Variants in TNKS observed in about 807,000 individuals in gnomAD.
TNKS encodes tankyrase.
In TNKS, 72 loss-of-function variants were observed where a neutral mutation model predicts 135.8. That is an observed-to-expected ratio of 0.53 (90% CI 0.44 to 0.64). TNKS has a LOEUF of 0.64. Ranked by LOEUF, TNKS falls within the 30% of genes least tolerant of loss-of-function variation. The pLI is 0.00. For missense variants in TNKS, 1,769 were observed against 1,674.0 expected (o/e 1.06, Z -0.99); for synonymous variants, 849 against 649.3 (o/e 1.31, Z -4.68).
At chr8:9,602,572 C>G (rs1196200245) in intron 2 of TNKS, among the ~76,000 whole-genome samples, 1 of 152,194 alleles carries the variant, frequency 6.6e-6, no homozygotes, top group Non-Finnish European at 1.5e-5. Flanking sequence ...AGCGGAGTCT[C>G]CAGAGCACCT....
At chr8:9,630,664 T>A (rs745794559) in intron 3 of TNKS, among the ~76,000 whole-genome samples, 11 of 152,222 alleles carry the variant, frequency 7.2e-5, no homozygotes, top group Admixed American at 6.5e-5. Context: ...GTCTGGCCCA[T>A]ACTAGTACTC....
rs186110534 is a variant in TNKS at position 9,567,604 on chromosome 8, A to G, written c.673+10992A>G. ...CTAATTTTTTTTGTATTTTTAGTAG[A>G]GACGGGGTTTCACCGTGTTAGCGAG... On this transcript the variant is annotated intron_variant, in intron 1 of 26. Coordinates refer to ENST00000310430, the MANE Select transcript of TNKS (RefSeq NM_003747.3). 7.9e-5 allele frequency among the ~76,000 whole-genome samples: 12 copies of G among 152,244 alleles called. No individual in the cohort carries two copies. In the East Asian group the frequency reaches 2.3e-3, roughly 29 times the overall value.
At chr8:9,701,650 A>G (rs993473752) in intron 5 of TNKS, among the ~76,000 whole-genome samples, 8 of 152,240 alleles carry the variant, frequency 5.3e-5, no homozygotes, top group African/African-American at 1.7e-4. Flanking sequence ...AGCATCAGGC[A>G]GTACATGGTA....
At chr8:9,653,035 T>C (rs1195724474) in intron 3 of TNKS, among the ~76,000 whole-genome samples, 1 of 152,164 alleles carries the variant, frequency 6.6e-6, no homozygotes, top group African/African-American at 2.4e-5. Context: ...AAGACGTTGC[T>C]AGAGGGTTTC....
chr8:9,631,776 T>C (rs78047673), intron 3 of TNKS, among the ~76,000 whole-genome samples: 2 of 151,878 alleles, frequency 1.3e-5, no homozygotes, highest in Non-Finnish European at 2.9e-5. Context: ...TTTTTTTTTT[T>C]CAAGAAAAAG....
Position 9,776,750 on chromosome 8 carries a change from G to C in TNKS, c.*14G>C, listed in dbSNP as rs762796125. On this transcript the variant is annotated 3_prime_UTR_variant, in exon 27 of 27. Coordinates refer to ENST00000310430, the MANE Select transcript of TNKS (RefSeq NM_003747.3). Reference sequence around the variant, plus strand: ...CAGAAGACCTAGTGAATGCCTGCTGGTGAAGGCCAGATCAGATTTCAACCT... The same window carrying C: ...CAGAAGACCTAGTGAATGCCTGCTGCTGAAGGCCAGATCAGATTTCAACCT... 3 of 1,611,756 alleles carry C rather than the reference G, an allele frequency of 1.9e-6. No individual in the cohort carries two copies. Among genetic ancestry groups the C allele is most frequent in the African/African-American group, 1.3e-5 (1 of 74,888 alleles).
At chr8:9,736,477 A>G (rs1342946568) in intron 17 of TNKS, among the ~76,000 whole-genome samples, 1 of 151,904 alleles carries the variant, frequency 6.6e-6, no homozygotes, top group Non-Finnish European at 1.5e-5. Context: ...GTCCTTGCCC[A>G]CGCCTATGTC....
intron 18 of TNKS, among the ~76,000 whole-genome samples, chr8:9,750,282 G>T (rs1192105647): frequency 6.6e-6 from 1 of 152,202 alleles, no homozygotes; most frequent in Non-Finnish European, 1.5e-5. Flanking sequence ...AACTTTTGCT[G>T]ATGGAGAGGC....
chr8:9,556,985 G>A (rs995656379), intron 1 of TNKS: 1 of 409,940 alleles, frequency 2.4e-6, no homozygotes. Context: ...TTTTACAAGG[G>A]TATGTCCTTT....
chr8:9,569,435 G>A (rs1797677511), intron 1 of TNKS, among the ~76,000 whole-genome samples: 1 of 152,162 alleles, frequency 6.6e-6, no homozygotes, highest in Non-Finnish European at 1.5e-5. Context: ...CATAGATTTT[G>A]TCTGTTTTGA....
intron 8 of TNKS, 134 bp from the exon 9 acceptor site, chr8:9,708,235 CAT>C: frequency 1.4e-6 from 1 of 737,446 alleles, no homozygotes; most frequent in Non-Finnish European, 2.0e-6. Flanking sequence ...TTTTTATCAT[CAT>C]ATTATCACAT....
chr8:9,657,925 G>A (rs1436939895), intron 3 of TNKS, among the ~76,000 whole-genome samples: 16 of 81,602 alleles, frequency 2.0e-4, no homozygotes, highest in Non-Finnish European at 2.3e-4. Flanking sequence ...CTTCTCAGAC[G>A]GGGCGGCCGG....
intron 17 of TNKS, among the ~76,000 whole-genome samples, chr8:9,743,206 G>A (rs892531017): frequency 3.9e-5 from 6 of 152,148 alleles, no homozygotes; most frequent in Non-Finnish European, 8.8e-5. Context: ...AATTTATAGA[G>A]CAACTGTAGG....
At chr8:9,712,341 G>A (rs1347504572) in intron 11 of TNKS, among the ~76,000 whole-genome samples, 2 of 151,832 alleles carry the variant, frequency 1.3e-5, no homozygotes, top group Non-Finnish European at 2.9e-5. Flanking sequence ...TTAGCCAGTC[G>A]TGGTGGTGTG....
intron 1 of TNKS, among the ~76,000 whole-genome samples, chr8:9,569,129 A>G (rs973626561): frequency 1.3e-5 from 2 of 152,260 alleles, no homozygotes; most frequent in African/African-American, 4.8e-5. Flanking sequence ...CAAGTGTTAC[A>G]GAATTCTAGT....
At chr8:9,599,187 A>T (rs1798921033) in intron 2 of TNKS, among the ~76,000 whole-genome samples, 1 of 152,170 alleles carries the variant, frequency 6.6e-6, no homozygotes, top group East Asian at 1.9e-4. Flanking sequence ...TAGGTGTGGC[A>T]CAAATGAATT....
chr8:9,765,778 T>C lies in TNKS; in HGVS notation c.3534T>C (p.Asn1178=), dbSNP rs142219846. 2.0e-5 allele frequency: 32 copies of C among 1,613,830 alleles called. No individual in the cohort carries two copies. Among genetic ancestry groups the C allele is most frequent in the Middle Eastern group, 1.7e-4 (1 of 6,060 alleles). The change falls in exon 24 of 27, where the codon AAT becomes AAC. Residue 1178 remains asparagine (N), a synonymous_variant. Coordinates refer to ENST00000310430, the MANE Select transcript of TNKS (RefSeq NM_003747.3). ...EVSEENHNHH[N]ERMLFHGSPF... is the part of the protein sequence containing the mutation. ...CTGAGGAGAATCACAACCATCACAA[T>C]GAGCGCATGTTGTTTCATGGTAAGC...
At chr8:9,614,988 G>A (rs1165055306) in intron 2 of TNKS, among the ~76,000 whole-genome samples, 3 of 152,116 alleles carry the variant, frequency 2.0e-5, no homozygotes, top group Non-Finnish European at 4.4e-5. Flanking sequence ...CATTTTTGAT[G>A]GAAAGAATGA....
intron 25 of TNKS, 58 bp downstream of exon 25, chr8:9,766,483 CTTTTTT>C: frequency 1.7e-4 from 149 of 889,592 alleles, no homozygotes; most frequent in South Asian, 7.7e-4. Flanking sequence ...ACCAAATTGT[CTTTTTT>C]TTTTTTTTTT....
Sources: allele counts gnomAD v4.1 joint callset (sites outside exome capture counted in the v4.1 genomes callset), GRCh38; gene constraint gnomAD v4.1.1; transcripts MANE v1.5; gene names NCBI Gene and HGNC (gene_info 2026-07-23, HGNC 2026-07-21).